MAGI1: variants seen among roughly 807,000 people sequenced by gnomAD.
MAGI1 encodes the protein membrane associated guanylate kinase, WW and PDZ domain containing 1.
A neutral mutation model predicts 139.9 loss-of-function variants in MAGI1; 58 were observed. The ratio of observed to expected loss-of-function variants is 0.41; its 90% CI spans 0.34 to 0.52. The LOEUF (loss-of-function observed/expected upper bound fraction) is 0.52. Ranked by LOEUF, MAGI1 falls within the 20% of genes least tolerant of loss-of-function variation. MAGI1 has a pLI of 0.12. For synonymous variants in MAGI1, 812 were observed against 737.9 expected (o/e 1.10, Z -1.63); for missense variants, 1,874 against 1,901.6 (o/e 0.99, Z 0.27).
intron 2 of MAGI1, 25 bp downstream of exon 2, chr3:65,621,947 G>A (rs751550149): frequency 4.8e-6 from 7 of 1,468,150 alleles, no homozygotes; most frequent in Non-Finnish European, 5.6e-6. Flanking sequence ...ACACAGCAGT[G>A]AGATGCCAAA....
At chr3:65,486,456 T>C (rs1299367857) in intron 3 of MAGI1, among the ~76,000 whole-genome samples, 2 of 152,008 alleles carry the variant, frequency 1.3e-5, no homozygotes, top group Non-Finnish European at 2.9e-5. Context: ...CAGTGACCTG[T>C]CTTGCAGAGC....
chr3:65,658,733 G>C (rs2086025139), intron 1 of MAGI1, among the ~76,000 whole-genome samples: 1 of 152,136 alleles, frequency 6.6e-6, no homozygotes, highest in Non-Finnish European at 1.5e-5. Flanking sequence ...ATCCAGCTTT[G>C]ACTTGTTCAT....
chr3:65,942,946 G>A (rs1394989415), intron 1 of MAGI1, among the ~76,000 whole-genome samples: 6 of 152,126 alleles, frequency 3.9e-5, no homozygotes, highest in African/African-American at 1.4e-4. Flanking sequence ...CCTTGAACTC[G>A]GGAGGTGGAG....
intron 1 of MAGI1, chr3:65,687,713 G>T (rs2088184101): frequency 1.9e-6 from 1 of 530,194 alleles, no homozygotes; most frequent in Admixed American, 2.0e-5. Flanking sequence ...GCTGCCCTGG[G>T]AAACAAAGTC....
At chr3:65,990,201 C>A (rs1193216868) in intron 1 of MAGI1, among the ~76,000 whole-genome samples, 1 of 152,038 alleles carries the variant, frequency 6.6e-6, no homozygotes, top group Non-Finnish European at 1.5e-5. Context: ...ATACAAGTCA[C>A]CACGGCAAGG....
At chr3:65,360,550 C>T (rs994320948) in intron 22 of MAGI1, 62 of 984,590 alleles carry the variant, frequency 6.3e-5, no homozygotes, top group Non-Finnish European at 5.9e-5. Flanking sequence ...TCACATGTTT[C>T]CCTCATGATG....
chr3:65,383,484 G>T, intron 15 of MAGI1, 48 bp downstream of exon 15: 1 of 1,439,184 alleles, frequency 6.9e-7, no homozygotes, highest in Non-Finnish European at 9.8e-7. Flanking sequence ...AATTTGCTTT[G>T]AAGCCTTAGA....
chr3:65,401,049 G>A (rs1944847410), intron 13 of MAGI1, among the ~76,000 whole-genome samples: 1 of 152,076 alleles, frequency 6.6e-6, no homozygotes, highest in Non-Finnish European at 1.5e-5. Flanking sequence ...CCAGTTGAGA[G>A]CAATGCTACT....
At chr3:65,979,091 C>CCCT (rs1560076250) in intron 1 of MAGI1, among the ~76,000 whole-genome samples, 1 of 102,254 alleles carries the variant, frequency 9.8e-6, no homozygotes, top group African/African-American at 4.0e-5. Flanking sequence ...CTTTTCTTCC[C>CCCT]CCCCCCCGCC....
intron 1 of MAGI1, among the ~76,000 whole-genome samples, chr3:65,650,858 T>C (rs1169671784): frequency 1.3e-5 from 2 of 152,214 alleles, no homozygotes; most frequent in African/African-American, 4.8e-5. Context: ...TACTATACGA[T>C]TCTTACAATT....
chr3:65,569,757 G>C (rs2080857753), intron 2 of MAGI1, among the ~76,000 whole-genome samples: 1 of 151,768 alleles, frequency 6.6e-6, no homozygotes, highest in Non-Finnish European at 1.5e-5. Flanking sequence ...TGCGCCTGTA[G>C]TCCCTTCTAC....
chr3:65,495,563 C>A (rs1244845678), intron 2 of MAGI1, among the ~76,000 whole-genome samples: 3 of 152,156 alleles, frequency 2.0e-5, no homozygotes, highest in Admixed American at 2.0e-4. Flanking sequence ...AGACAAAGCT[C>A]ATGCCCTGAT....
At chr3:65,542,642 C>G (rs547100290) in intron 2 of MAGI1, among the ~76,000 whole-genome samples, 1 of 152,014 alleles carries the variant, frequency 6.6e-6, no homozygotes, top group Non-Finnish European at 1.5e-5. Context: ...GACAAAAACA[C>G]ACAATGGGGA....
At chr3:65,437,744 G>C (rs1254691046) in intron 9 of MAGI1, among the ~76,000 whole-genome samples, 1 of 152,090 alleles carries the variant, frequency 6.6e-6, no homozygotes, top group Non-Finnish European at 1.5e-5. Context: ...TATTCACCTT[G>C]GAAGGCCAGA....
chr3:65,679,058 C>T (rs2087391485), intron 1 of MAGI1, among the ~76,000 whole-genome samples: 1 of 152,068 alleles, frequency 6.6e-6, no homozygotes. Context: ...TTTAATTTCT[C>T]GTCAGCTAAG....
At chr3:65,763,607 C>A (rs761881445) in intron 1 of MAGI1, among the ~76,000 whole-genome samples, 13 of 152,074 alleles carry the variant, frequency 8.5e-5, no homozygotes, top group Admixed American at 2.6e-4. Context: ...AGTCACAAAG[C>A]TGCTAAGCAC....
At chr3:66,027,171 G>C (rs1285670950) in intron 1 of MAGI1, among the ~76,000 whole-genome samples, 1 of 151,902 alleles carries the variant, frequency 6.6e-6, no homozygotes, top group Non-Finnish European at 1.5e-5. Context: ...GAGAGGCTGA[G>C]GCAGGAGAAT....
intron 1 of MAGI1, among the ~76,000 whole-genome samples, chr3:65,716,138 G>A (rs1339177720): frequency 6.6e-6 from 1 of 152,176 alleles, no homozygotes; most frequent in East Asian, 1.9e-4. Context: ...CCTCAACTTA[G>A]GAACTGATGT....
chr3:65,530,763 A>ATACACG (rs1559642840), intron 2 of MAGI1, among the ~76,000 whole-genome samples: 205 of 15,264 alleles, frequency 0.013, 15 homozygotes, highest in East Asian at 0.071. Context: ...ACACGTATAT[A>ATACACG]TATATATATA....
Sources: allele counts gnomAD v4.1 joint callset (sites outside exome capture counted in the v4.1 genomes callset), GRCh38; gene constraint gnomAD v4.1.1; transcripts MANE v1.5; gene names NCBI Gene and HGNC (gene_info 2026-07-23, HGNC 2026-07-21).